The following IFNAR2 variants were observed in gnomAD, a reference collection of about 807,000 sequenced individuals.
IFNAR2 encodes the protein interferon alpha and beta receptor subunit 2.
Under a neutral mutation model 49.4 loss-of-function variants are expected in IFNAR2, and 30 were observed. That is an observed-to-expected ratio of 0.61 (90% confidence interval 0.45 to 0.82). IFNAR2 has a LOEUF of 0.82. Ranked by LOEUF, IFNAR2 falls within the 40% of genes least tolerant of loss-of-function variation. IFNAR2 has a pLI of 0.00. For missense variants in IFNAR2, 600 were observed against 622.7 expected (o/e 0.96, Z 0.39); for synonymous variants, 224 against 234.5 (o/e 0.96, Z 0.41).
At chr21:33,255,425 G>A (rs981351311) in intron 7 of IFNAR2, among the ~76,000 whole-genome samples, 6 of 152,204 alleles carry the variant, frequency 3.9e-5, no homozygotes, top group African/African-American at 1.4e-4. Context: ...GAGTTCCCAT[G>A]ACCTCCCTTT....
At chr21:33,232,851 G>A in intron 1 of IFNAR2, 1 of 268,434 alleles carries the variant, frequency 3.7e-6, no homozygotes, top group Non-Finnish European at 5.7e-6. Context: ...TGGAAAGGAA[G>A]TCGAGGTTTC....
chr21:33,249,609 A>G (rs761620066), intron 6 of IFNAR2, among the ~76,000 whole-genome samples: 12 of 152,188 alleles, frequency 7.9e-5, no homozygotes, highest in Non-Finnish European at 1.5e-4. Flanking sequence ...CAGTAACCTC[A>G]GGGTTATCTG....
In IFNAR2 at chr21:33,246,886, A is replaced by G; in HGVS notation, c.390A>G (p.Ile130Met). The change falls in exon 5 of 9, where the codon ATA (isoleucine) becomes ATG (methionine). Residue 130 changes from isoleucine (I) to methionine (M), a missense_variant. Ile to Met is a conservative substitution (Grantham distance 10). Transcript: ENST00000342136. ...FSCSHNFWLA[I>M]DMSFEPPEFE... ...GCTCACACAATTTCTGGCTGGCCAT[A>G]GACAGTGAGTTTTATCTCTGTTTCT... The G allele has an allele frequency of 1.2e-6, 2 of 1,612,914 alleles. No individual in the cohort carries two copies. Among genetic ancestry groups the G allele is most frequent in the South Asian group, 1.1e-5 (1 of 90,872 alleles).
intron 7 of IFNAR2, among the ~76,000 whole-genome samples, chr21:33,258,769 C>A (rs1988380676): frequency 1.3e-5 from 2 of 152,114 alleles, no homozygotes; most frequent in African/African-American, 4.8e-5. Flanking sequence ...CAGTTCTGGT[C>A]AGAAAAGATG....
intron 1 of IFNAR2, among the ~76,000 whole-genome samples, chr21:33,231,214 A>G (rs1986039369): frequency 6.6e-6 from 1 of 152,128 alleles, no homozygotes; most frequent in Non-Finnish European, 1.5e-5. Context: ...CCACCTGTGC[A>G]GGCTTGAGGG....
chr21:33,260,764 CT>C, intron 8 of IFNAR2, 37 bp downstream of exon 8: 1 of 1,332,978 alleles, frequency 7.5e-7, no homozygotes, highest in Non-Finnish European at 1.0e-6. Context: ...TTTTTTCTAT[CT>C]TTGTTTTTTA....
chr21:33,238,701 C>A (rs1986673973), intron 1 of IFNAR2, among the ~76,000 whole-genome samples: 1 of 149,430 alleles, frequency 6.7e-6, no homozygotes. Context: ...ACAGCACAAG[C>A]AACTCAAAGG....
chr21:33,236,565 C>T (rs1055309300), intron 1 of IFNAR2, among the ~76,000 whole-genome samples: 1 of 152,210 alleles, frequency 6.6e-6, no homozygotes, highest in Non-Finnish European at 1.5e-5. Flanking sequence ...GCCCTGACCT[C>T]TCCAGCATCT....
chr21:33,260,722 G>C lies in IFNAR2; in HGVS notation c.835G>C (p.Val279Leu). 1 of 1,491,860 alleles carries C rather than the reference G, an allele frequency of 6.7e-7. No individual in the cohort carries two copies. The highest frequency in any genetic ancestry group is 1.4e-5 in the African/African-American group (1 of 69,394). 92.4% of individuals were successfully genotyped at this position (1,491,860 alleles called of 1,614,324 possible). ...YICLRNSLPK[V>L]LNFHNFLAWP... ...ATGCTTAAGAAATAGCCTCCCCAAA[G>C]TCTTGGTAGGTAGTTTTTTTGTTTT... The change falls in exon 8 of 9, where the codon GTC becomes CTC. Residue 279 changes from valine to leucine, a missense_variant. By Grantham distance (32) the Val-to-Leu change is conservative (BLOSUM62 1). Transcript: ENST00000342136.
Position 33,230,003 on chromosome 21 carries a change from G to A in IFNAR2, c.-297G>A, listed in dbSNP as rs1286941539. ...CACTAAAGACGCTTCTTCCCGGCGG[G>A]TAGGAATCCCGCCGGCGAGCCGAAC... On this transcript the variant is annotated 5_prime_UTR_variant, in exon 1 of 9. Coordinates refer to ENST00000342136, the MANE Select transcript of IFNAR2 (RefSeq NM_001289125.3). The surrounding 1 kb of genome is among the most constrained non-coding windows in gnomAD (Gnocchi z 5.5). The A allele has an allele frequency of 1.0e-6, 1 of 984,842 alleles. No homozygotes were observed. The highest frequency in any genetic ancestry group is 1.1e-4 in the East Asian group (1 of 8,802). The allele number at this position is 984,842 out of a possible 1,614,324, so 61.0% of individuals were successfully genotyped here. A position where few individuals can be genotyped will look rare whatever the true frequency, so the allele number is the denominator to read the frequency against.
chr21:33,261,020 T>G (rs1235659851), intron 8 of IFNAR2, among the ~76,000 whole-genome samples: 5 of 149,604 alleles, frequency 3.3e-5, no homozygotes, highest in Non-Finnish European at 7.4e-5. Flanking sequence ...ATCTGTGCAT[T>G]TTATGTTTTC....
At chr21:33,245,225 C>T in intron 4 of IFNAR2, 151 bp downstream of exon 4, 1 of 604,032 alleles carries the variant, frequency 1.7e-6, no homozygotes, top group Admixed American at 3.1e-5. Context: ...CCTTAAAAAG[C>T]CAAAGACAAA....
At position 33,265,192 on chromosome 21, in the gene IFNAR2, G is replaced by C. The variant is rs917845606; in HGVS notation, c.*1692G>C. ...CAAGATCCTAGGAACCCAGGAGAAA[G>C]ATGAGAAAATGTACAAGAATGAACA... On this transcript the variant is annotated 3_prime_UTR_variant, in exon 9 of 9. Transcript: ENST00000342136. The C allele has an allele frequency of 6.6e-6, 1 of 152,196 alleles. No homozygotes were observed. Among genetic ancestry groups the C allele is most frequent in the Non-Finnish European group, 1.5e-5 (1 of 68,044 alleles). The allele number at this position is 152,196 out of a possible 1,614,324, so 9.4% of individuals were successfully genotyped here.
chr21:33,263,615 A>T lies in IFNAR2; in HGVS notation c.*115A>T. Reference sequence around the variant, plus strand: ...TGTTCTCCAAGGGAAGGAGGAGGAAACTGTGGTGTTCCTTTCTTCCAGGTG... The same window carrying T: ...TGTTCTCCAAGGGAAGGAGGAGGAATCTGTGGTGTTCCTTTCTTCCAGGTG... On this transcript the variant is annotated 3_prime_UTR_variant, in exon 9 of 9. Coordinates refer to ENST00000342136, the MANE Select transcript of IFNAR2 (RefSeq NM_001289125.3). 1.0e-6 allele frequency: 1 copy of T among 975,814 alleles called. No individual in the cohort carries two copies. Among genetic ancestry groups the T allele is most frequent in the Non-Finnish European group, 1.5e-6 (1 of 675,616 alleles). 60.4% of individuals were successfully genotyped at this position (975,814 alleles called of 1,614,324 possible).
rs762532844 is a variant in IFNAR2 at position 33,260,650 on chromosome 21, T to C, written c.763T>C (p.Leu255=). Reference sequence around the variant, plus strand: ...AATAATTACTGTGTTTTTGATAGCATTGGTCTTGACAAGCACCATAGTGAC... The same window carrying C: ...AATAATTACTGTGTTTTTGATAGCACTGGTCTTGACAAGCACCATAGTGAC... The part of the protein sequence containing the change: ...GGIITVFLIA[L]VLTSTIVTLK... Residue 255 remains leucine (L), a synonymous_variant, in exon 8 of 9, where the codon TTG becomes CTG. Transcript: ENST00000342136. 6.2e-7 allele frequency: 1 copy of C among 1,603,172 alleles called. No individual in the cohort carries two copies. Among genetic ancestry groups the C allele is most frequent in the East Asian group, 2.3e-5 (1 of 44,314 alleles).
At chr21:33,258,938 C>G (rs1338516133) in intron 7 of IFNAR2, among the ~76,000 whole-genome samples, 1 of 152,118 alleles carries the variant, frequency 6.6e-6, no homozygotes, top group Non-Finnish European at 1.5e-5. Context: ...GGGCTGATTA[C>G]TGCAGTCACC....
At chr21:33,242,682 G>C (rs62226155) in intron 2 of IFNAR2, among the ~76,000 whole-genome samples, 78,298 of 116,280 alleles carry the variant, frequency 0.67, 27,856 homozygotes, top group African/African-American at 0.79. Flanking sequence ...GCAGTGAGCC[G>C]AGATCGAGCC....
At chr21:33,254,597 G>A (rs1448632782) in intron 7 of IFNAR2, among the ~76,000 whole-genome samples, 1 of 152,136 alleles carries the variant, frequency 6.6e-6, no homozygotes, top group African/African-American at 2.4e-5. Context: ...GCTACCAGAG[G>A]CTTCATCTGC....
At chr21:33,232,239 C>A (rs941672015) in intron 1 of IFNAR2, among the ~76,000 whole-genome samples, 2 of 152,240 alleles carry the variant, frequency 1.3e-5, no homozygotes, top group South Asian at 4.1e-4. Context: ...CAGAGCTTGA[C>A]GGCACTGGCC....
Sources: allele counts gnomAD v4.1 joint callset (sites outside exome capture counted in the v4.1 genomes callset), GRCh38; gene constraint gnomAD v4.1.1; non-coding constraint Gnocchi (gnomAD v3.1); transcripts MANE v1.5; gene names NCBI Gene and HGNC (gene_info 2026-07-23, HGNC 2026-07-21).